ARHGAP17: variants seen among roughly 807,000 people sequenced by gnomAD.
ARHGAP17 encodes the protein Rho GTPase activating protein 17.
In ARHGAP17, 57 loss-of-function variants were observed where a neutral mutation model predicts 99.5. That is an observed-to-expected ratio of 0.57 (90% CI 0.46 to 0.71). ARHGAP17 has a LOEUF of 0.71. ARHGAP17 is among the 30% of genes least tolerant of loss of function. The pLI is 0.00. For missense variants in ARHGAP17, 1,000 were observed against 1,122.4 expected, an observed-to-expected ratio of 0.89 and a Z score of 1.56; for synonymous variants, 417 against 429.6, an observed-to-expected ratio of 0.97 and a Z score of 0.36.
intron 15 of ARHGAP17, 48 bp from the exon 16 acceptor site, chr16:24,942,191 G>A: frequency 4.5e-6 from 7 of 1,550,572 alleles, no homozygotes; most frequent in Non-Finnish European, 6.1e-6. Context: ...AGCACAGCAG[G>A]CGAGGGAGCT....
intron 5 of ARHGAP17, 113 bp downstream of exon 5, chr16:24,968,548 T>TA: frequency 6.7e-7 from 1 of 1,501,750 alleles, no homozygotes; most frequent in Non-Finnish European, 9.2e-7. Flanking sequence ...TGACTCCCCT[T>TA]ATTTCCAAAA....
At position 24,959,845 on chromosome 16, in the gene ARHGAP17, T is replaced by G. The variant is rs1426585338; in HGVS notation, c.642+66A>C. The G allele has an allele frequency of 1.9e-6, 3 of 1,604,390 alleles. No individual in the cohort carries two copies. In the African/African-American group the frequency reaches 4.0e-5, roughly 22 times the overall value. Reference sequence around the variant, plus strand: ...GAGCAAAACTAAAAATGAAATCTTTTGCAAAAAAGCTAAAATGACTCCATT... The same window carrying G: ...GAGCAAAACTAAAAATGAAATCTTTGGCAAAAAAGCTAAAATGACTCCATT... On this transcript the variant is annotated intron_variant, in intron 8 of 19. Coordinates refer to ENST00000289968, the MANE Select transcript of ARHGAP17 (RefSeq NM_001006634.3).
chr16:24,956,252 G>A (rs2051805594), intron 9 of ARHGAP17: 1 of 152,202 alleles, frequency 6.6e-6, no homozygotes, highest in Non-Finnish European at 1.5e-5. Context: ...GAACTTTCTA[G>A]TAAACACTGG....
intron 7 of ARHGAP17, among the ~76,000 whole-genome samples, chr16:24,961,518 A>ATTTTTTT (rs1171754361): frequency 7.4e-5 from 6 of 81,500 alleles, no homozygotes; most frequent in Non-Finnish European, 1.2e-4. Flanking sequence ...AAAAAAAAAA[A>ATTTTTTT]TTTTTTTTTT....
In ARHGAP17 at chr16:24,964,308, C is replaced by T; in HGVS notation, c.462G>A (p.Arg154=). The change falls in exon 7 of 20, where the codon AGG becomes AGA. Residue 154 remains arginine (R), a splice_region_variant and synonymous_variant. Coordinates refer to ENST00000289968, the MANE Select transcript of ARHGAP17 (RefSeq NM_001006634.3). Reference sequence around the variant, plus strand: ...CTGAGGATTTGTGAGCTTGGTTCCACCTGCAAAACAAAGGGGTCACCAGCA... The same window carrying T: ...CTGAGGATTTGTGAGCTTGGTTCCATCTGCAAAACAAAGGGGTCACCAGCA... ...LVLDWDSVRA[R]WNQAHKSSGT... is the part of the protein sequence containing the mutation. 1 of 1,607,276 alleles carries T rather than the reference C, an allele frequency of 6.2e-7. No individual in the cohort carries two copies. Among genetic ancestry groups the T allele is most frequent in the Non-Finnish European group, 8.5e-7 (1 of 1,174,326 alleles).
chr16:25,015,167 C>T (rs1231752467), intron 1 of ARHGAP17, 42 bp downstream of exon 1: 2 of 1,256,096 alleles, frequency 1.6e-6, no homozygotes, highest in Admixed American at 8.5e-5. Flanking sequence ...CGCCCTCCGC[C>T]CCCAGCCCCG....
At chr16:24,998,370 C>T (rs1268051589) in intron 1 of ARHGAP17, among the ~76,000 whole-genome samples, 3 of 152,058 alleles carry the variant, frequency 2.0e-5, no homozygotes, top group East Asian at 2.0e-4. Flanking sequence ...GGCAAGGCAG[C>T]GCCCAGGACA....
intron 1 of ARHGAP17, among the ~76,000 whole-genome samples, chr16:25,012,880 C>G (rs551511815): frequency 1.8e-4 from 28 of 152,144 alleles, no homozygotes; most frequent in Non-Finnish European, 3.7e-4. Flanking sequence ...TCACCATCTA[C>G]TCTATCCACT....
chr16:24,945,828 A>G (rs2051456392), intron 14 of ARHGAP17, among the ~76,000 whole-genome samples: 1 of 152,174 alleles, frequency 6.6e-6, no homozygotes, highest in Non-Finnish European at 1.5e-5. Flanking sequence ...TGGAAAGCTA[A>G]TAAGGGTTAA....
intron 15 of ARHGAP17, 39 bp from the exon 16 acceptor site, chr16:24,942,182 G>A (rs374271452): frequency 1.1e-5 from 18 of 1,569,792 alleles, no homozygotes; most frequent in Non-Finnish European, 1.5e-5. Context: ...GAGACACTGA[G>A]CACAGCAGGC....
Position 24,974,345 on chromosome 16 carries a change from C to A in ARHGAP17, c.198+2870G>T, listed in dbSNP as rs138557222. Among the ~76,000 whole-genome samples the A allele has an allele frequency of 1.3e-3, 200 of 152,210 alleles. No individual in the cohort carries two copies. In the South Asian group the frequency reaches 0.028, roughly 21 times the overall value. ...ACTCGGGAGGCTGAGGTGGGAGAATCGTTTGAACCGGGTGGTGGAGGATGC... is the reference window on the plus strand; with the variant it reads ...ACTCGGGAGGCTGAGGTGGGAGAATAGTTTGAACCGGGTGGTGGAGGATGC... On this transcript the variant is annotated intron_variant, in intron 3 of 19. Transcript: ENST00000289968.
chr16:24,955,629 T>C lies in ARHGAP17; in HGVS notation c.725-899A>G, dbSNP rs2051786439. The C allele has an allele frequency of 6.6e-6, 1 of 152,232 alleles. No individual in the cohort carries two copies. The highest frequency in any genetic ancestry group is 2.4e-5 in the African/African-American group (1 of 41,452). 9.4% of individuals were successfully genotyped at this position (152,232 alleles called of 1,614,324 possible). Reference sequence around the variant, plus strand: ...TGCTCCAGGGAGAAACACTTAAATCTTTCCAACAACAGGAAGGGTTCATGT... The same window carrying C: ...TGCTCCAGGGAGAAACACTTAAATCCTTCCAACAACAGGAAGGGTTCATGT... On this transcript the variant is annotated intron_variant, in intron 9 of 19. Transcript: ENST00000289968. This position sits in a 1 kb window ranked among gnomAD's most constrained non-coding sequence, Gnocchi z 4.0.
At chr16:24,947,759 T>C (rs1383674909) in intron 13 of ARHGAP17, among the ~76,000 whole-genome samples, 164 bp from the exon 14 acceptor site, 1 of 152,202 alleles carries the variant, frequency 6.6e-6, no homozygotes, top group Non-Finnish European at 1.5e-5. Flanking sequence ...TCTTGTGTTC[T>C]TTGCTTCAGA....
chr16:24,932,011 T>C (rs1328343812), intron 18 of ARHGAP17, among the ~76,000 whole-genome samples: 1 of 151,070 alleles, frequency 6.6e-6, no homozygotes, highest in Non-Finnish European at 1.5e-5. Context: ...CAGCTACTCA[T>C]GAGGCTGAGG....
chr16:24,940,726 G>A (rs549477651), intron 16 of ARHGAP17, among the ~76,000 whole-genome samples: 2 of 152,242 alleles, frequency 1.3e-5, no homozygotes, highest in East Asian at 3.9e-4. Context: ...ACTGGAAAAA[G>A]CCGTTGCTTT....
chr16:24,953,179 G>A lies in ARHGAP17; in HGVS notation c.853-137C>T, dbSNP rs1420498321. Reference sequence around the variant, plus strand: ...AGCAGTGTTACTGCCTGCCCTGCAGGGCTGTCAGGAGGAATGATGAGGGCT... The same window carrying A: ...AGCAGTGTTACTGCCTGCCCTGCAGAGCTGTCAGGAGGAATGATGAGGGCT... On this transcript the variant is annotated intron_variant, in intron 10 of 19. Coordinates refer to ENST00000289968, the MANE Select transcript of ARHGAP17 (RefSeq NM_001006634.3). The A allele has an allele frequency of 6.8e-6, 5 of 737,704 alleles. No individual in the cohort carries two copies. The East Asian group carries it at 1.1e-4, about 16-fold the overall frequency. 45.7% of individuals were successfully genotyped at this position (737,704 alleles called of 1,614,324 possible).
At chr16:24,965,046 A>G (rs1345004078) in intron 6 of ARHGAP17, among the ~76,000 whole-genome samples, 2 of 152,248 alleles carry the variant, frequency 1.3e-5, no homozygotes, top group Non-Finnish European at 2.9e-5. Context: ...AAAGTGGGAA[A>G]TAATCATAGA....
At chr16:25,002,209 G>A (rs949758203) in intron 1 of ARHGAP17, among the ~76,000 whole-genome samples, 5 of 152,088 alleles carry the variant, frequency 3.3e-5, no homozygotes, top group African/African-American at 1.2e-4. Context: ...AGGAATCATT[G>A]TAAAACAATG....
chr16:24,979,903 G>T (rs995758788), intron 1 of ARHGAP17, among the ~76,000 whole-genome samples: 1 of 152,146 alleles, frequency 6.6e-6, no homozygotes, highest in African/African-American at 2.4e-5. Flanking sequence ...AAGAGACAGG[G>T]TTTTGCCATG....
Sources: allele counts gnomAD v4.1 joint callset (sites outside exome capture counted in the v4.1 genomes callset), GRCh38; gene constraint gnomAD v4.1.1; non-coding constraint Gnocchi (gnomAD v3.1); transcripts MANE v1.5; gene names NCBI Gene and HGNC (gene_info 2026-07-23, HGNC 2026-07-21).